The following TEC variants were observed in gnomAD, a reference collection of about 807,000 sequenced individuals.
TEC encodes tec protein tyrosine kinase.
TEC carries 72 observed loss-of-function variants against 93.0 expected under a neutral mutation model. The ratio of observed to expected loss-of-function variants is 0.77; its 90% confidence interval spans 0.64 to 0.94. TEC has a LOEUF of 0.94. Among genes scored for constraint, TEC ranks in the 40% least tolerant of loss-of-function variants. The pLI is 0.00. For missense variants in TEC, 630 were observed against 757.9 expected, an observed-to-expected ratio of 0.83 and a Z score of 1.98; for synonymous variants, 249 against 247.7, an observed-to-expected ratio of 1.01 and a Z score of -0.05.
At chr4:48,269,398 G>C (rs76723198) in intron 1 of TEC, among the ~76,000 whole-genome samples, 1 of 152,284 alleles carries the variant, frequency 6.6e-6, no homozygotes, top group Non-Finnish European at 1.5e-5. Flanking sequence ...CCGCTGGGAC[G>C]TGACCCCAAC....
At chr4:48,171,863 C>T (rs4695339) in intron 3 of TEC, among the ~76,000 whole-genome samples, 57,734 of 152,102 alleles carry the variant, frequency 0.38, 11,988 homozygotes, top group East Asian at 0.9. Flanking sequence ...GATTAAGCAC[C>T]GACTACGCCA....
chr4:48,239,051 A>T (rs978843760), intron 1 of TEC, among the ~76,000 whole-genome samples: 1 of 152,302 alleles, frequency 6.6e-6, no homozygotes, highest in African/African-American at 2.4e-5. Context: ...ATATCATGGT[A>T]TCTTTGTTAT....
chr4:48,228,476 C>G lies in TEC; in HGVS notation c.138+1G>C. ...AAAAGTAAATCGTGATTGTCTCTTA[C>G]CTCTGCTCGACCCTCATAGTAGGTT... On this transcript the variant is annotated splice_donor_variant, in intron 2 of 17. Transcript: ENST00000381501. LOFTEE classifies it high-confidence loss of function. 1 of 1,594,642 alleles carries G rather than the reference C, an allele frequency of 6.3e-7. No individual in the cohort carries two copies. Among genetic ancestry groups the G allele is most frequent in the Non-Finnish European group, 8.5e-7 (1 of 1,174,354 alleles).
intron 1 of TEC, among the ~76,000 whole-genome samples, chr4:48,260,196 A>T (rs1724463506): frequency 6.6e-6 from 1 of 152,206 alleles, no homozygotes; most frequent in South Asian, 2.1e-4. Flanking sequence ...CACATAACAG[A>T]GACACTGTAA....
chr4:48,186,300 G>A (rs746929621), intron 2 of TEC, among the ~76,000 whole-genome samples: 2 of 150,778 alleles, frequency 1.3e-5, no homozygotes, highest in South Asian at 2.1e-4. Context: ...AGTGAGGAGC[G>A]TCTCTGCCTG....
intron 8 of TEC, among the ~76,000 whole-genome samples, chr4:48,158,947 T>C (rs1381278302): frequency 1.3e-5 from 2 of 152,292 alleles, no homozygotes; most frequent in South Asian, 2.1e-4. Context: ...GACCTTTAAG[T>C]GTCTGTTGAA....
rs576741917 is a variant in TEC at position 48,170,025 on chromosome 4, A to G, written c.454+223T>C. On this transcript the variant is annotated intron_variant, in intron 5 of 17. Coordinates refer to ENST00000381501, the MANE Select transcript of TEC (RefSeq NM_003215.3). The stretch of plus-strand genomic sequence containing the variant: ...ACTTTCAATGGATTCATTTTGAACA[A>G]GATTCAATATTGTGATAAAAGCTTC... Among the ~76,000 whole-genome samples, 3 of 152,316 alleles carry G rather than the reference A, an allele frequency of 2.0e-5. No individual in the cohort carries two copies. In the East Asian group the frequency reaches 5.8e-4, roughly 29 times the overall value.
intron 2 of TEC, among the ~76,000 whole-genome samples, chr4:48,192,151 C>A (rs1230308591): frequency 6.6e-6 from 1 of 152,102 alleles, no homozygotes; most frequent in Non-Finnish European, 1.5e-5. Context: ...TATAGCCATA[C>A]AATGGAGTAC....
At chr4:48,259,027 T>G (rs1288780359) in intron 1 of TEC, among the ~76,000 whole-genome samples, 1 of 152,232 alleles carries the variant, frequency 6.6e-6, no homozygotes, top group Non-Finnish European at 1.5e-5. Flanking sequence ...CATTATCTTC[T>G]ATGAGGCTCT....
At chr4:48,247,321 A>G (rs185386283) in intron 1 of TEC, among the ~76,000 whole-genome samples, 3 of 152,322 alleles carry the variant, frequency 2.0e-5, no homozygotes, top group Non-Finnish European at 4.4e-5. Flanking sequence ...ACTGTGAAAA[A>G]TAGTTTGGCA....
At chr4:48,191,234 C>T (rs575774137) in intron 2 of TEC, among the ~76,000 whole-genome samples, 67 of 152,232 alleles carry the variant, frequency 4.4e-4, no homozygotes, top group Non-Finnish European at 8.2e-4. Flanking sequence ...TTATCTGGAC[C>T]CTCACAATCA....
chr4:48,236,035 G>A (rs1285360471), intron 1 of TEC, among the ~76,000 whole-genome samples: 1 of 152,106 alleles, frequency 6.6e-6, no homozygotes, highest in African/African-American at 2.4e-5. Flanking sequence ...GTCACTTCCA[G>A]TCTCCTAGTT....
At chr4:48,174,509 A>C (rs1721243160) in intron 3 of TEC, among the ~76,000 whole-genome samples, 1 of 152,102 alleles carries the variant, frequency 6.6e-6, no homozygotes, top group South Asian at 2.1e-4. Context: ...AAATACAAAA[A>C]TTAGCCAGGC....
intron 2 of TEC, among the ~76,000 whole-genome samples, chr4:48,186,326 G>A (rs1431984305): frequency 4.0e-5 from 6 of 151,772 alleles, no homozygotes; most frequent in Non-Finnish European, 8.8e-5. Context: ...CCATCGTCTG[G>A]GATGTGAGGA....
intron 2 of TEC, among the ~76,000 whole-genome samples, chr4:48,180,652 C>T (rs1212189574): frequency 1.3e-5 from 2 of 152,134 alleles, no homozygotes. Flanking sequence ...ATTTAGGGAA[C>T]AGAAAGAAAT....
intron 2 of TEC, among the ~76,000 whole-genome samples, chr4:48,185,260 A>G (rs1160075723): frequency 6.6e-6 from 1 of 152,252 alleles, no homozygotes; most frequent in Non-Finnish European, 1.5e-5. Flanking sequence ...GGCCTATTCT[A>G]TTCATACATG....
chr4:48,227,397 G>A (rs1723502390), intron 2 of TEC, among the ~76,000 whole-genome samples: 1 of 152,020 alleles, frequency 6.6e-6, no homozygotes. Flanking sequence ...AATTCTAGCA[G>A]TTTGGGAGGC....
At chr4:48,245,225 G>A (rs1260891810) in intron 1 of TEC, among the ~76,000 whole-genome samples, 2 of 151,754 alleles carry the variant, frequency 1.3e-5, no homozygotes, top group Middle Eastern at 3.4e-3. Context: ...CCAGGGAGTC[G>A]GAGGTTGCAG....
chr4:48,189,806 G>A (rs1423598217), intron 2 of TEC, among the ~76,000 whole-genome samples: 1 of 152,188 alleles, frequency 6.6e-6, no homozygotes, highest in Admixed American at 6.5e-5. Context: ...GCCTGGTGCT[G>A]TCCTATGGTT....
Sources: allele counts gnomAD v4.1 joint callset (sites outside exome capture counted in the v4.1 genomes callset), GRCh38; gene constraint gnomAD v4.1.1; transcripts MANE v1.5; gene names NCBI Gene and HGNC (gene_info 2026-07-23, HGNC 2026-07-21).